TRPM6: variants seen among roughly 807,000 people sequenced by gnomAD.
TRPM6 encodes channel kinase 2.
A neutral mutation model predicts 247.6 loss-of-function variants in TRPM6; 111 were observed. The observed-to-expected ratio is 0.45, with a 90% confidence interval of 0.38 to 0.52. TRPM6 has a LOEUF of 0.52. Among genes scored for constraint, TRPM6 ranks in the 20% least tolerant of loss-of-function variants. The pLI, the probability that TRPM6 is intolerant of heterozygous loss-of-function variation, is 0.00. For missense variants in TRPM6, 2,126 were observed against 2,421.5 expected (o/e 0.88, Z 2.56); for synonymous variants, 892 against 853.8 (o/e 1.04, Z -0.78).
chr9:74,818,293 CTTTTTTTT>C (rs1161401022), intron 9 of TRPM6, among the ~76,000 whole-genome samples: 5 of 72,006 alleles, frequency 6.9e-5, no homozygotes, highest in Non-Finnish European at 1.1e-4. Context: ...TCTATCATTT[CTTTTTTTT>C]TTTTTTTTTT....
At position 74,775,358 on chromosome 9, in the gene TRPM6, G is replaced by A. The variant is rs373425127; in HGVS notation, c.3403+525C>T. On this transcript the variant is annotated intron_variant, in intron 24 of 38. Coordinates refer to ENST00000360774, the MANE Select transcript of TRPM6 (RefSeq NM_017662.5). The stretch of plus-strand genomic sequence containing the variant: ...GCATGCACTACCGCACCCAGTTTCT[G>A]AGTTGAGGTTCTTGAAAATAAGAAA... 6.8e-4 allele frequency among the ~76,000 whole-genome samples: 103 copies of A among 152,194 alleles called. 4 individuals carry two copies. The South Asian group carries it at 9.4e-3, about 14-fold the overall frequency.
chr9:74,865,481 T>A (rs910609947), intron 1 of TRPM6, among the ~76,000 whole-genome samples: 10 of 152,254 alleles, frequency 6.6e-5, no homozygotes, highest in African/African-American at 2.4e-4. Context: ...GAGTGTACTT[T>A]ACAACTGTCC....
At chr9:74,830,588 T>C (rs1302917287) in intron 6 of TRPM6, among the ~76,000 whole-genome samples, 1 of 151,914 alleles carries the variant, frequency 6.6e-6, no homozygotes, top group Non-Finnish European at 1.5e-5. Context: ...GTTTGGTTTG[T>C]TTGTTTGAGA....
intron 3 of TRPM6, among the ~76,000 whole-genome samples, chr9:74,844,874 A>G (rs1830058477): frequency 6.6e-6 from 1 of 152,184 alleles, no homozygotes; most frequent in Non-Finnish European, 1.5e-5. Context: ...TGAGATATGC[A>G]AGACTCTTTA....
chr9:74,874,209 C>T (rs1831119452), intron 1 of TRPM6, among the ~76,000 whole-genome samples: 1 of 150,526 alleles, frequency 6.6e-6, no homozygotes, highest in East Asian at 1.9e-4. Context: ...GCACTCCAGC[C>T]TGGGTGACAG....
intron 28 of TRPM6, among the ~76,000 whole-genome samples, chr9:74,754,821 ACCGTCCAGG>A (rs1375887368): frequency 6.6e-6 from 1 of 152,072 alleles, no homozygotes; most frequent in Non-Finnish European, 1.5e-5. Flanking sequence ...GACCTATTTC[ACCGTCCAGG>A]CCTAGCCCAT....
At chr9:74,820,784 C>T (rs1317637888) in intron 8 of TRPM6, among the ~76,000 whole-genome samples, 1 of 152,100 alleles carries the variant, frequency 6.6e-6, no homozygotes, top group African/African-American at 2.4e-5. Flanking sequence ...GGTTGATCTG[C>T]CACATCCTGA....
Position 74,762,734 on chromosome 9 carries a change from C to T in TRPM6, c.3937G>A (p.Val1313Ile). 6.2e-7 allele frequency: 1 copy of T among 1,614,174 alleles called. No individual in the cohort carries two copies. Among genetic ancestry groups the T allele is most frequent in the African/African-American group, 1.3e-5 (1 of 75,064 alleles). ...TCTTGCCTTTCCTGGTCATTTCTTA[C>T]ATTTGTAGCCTCTCTTTTACTGTTT... The part of the protein sequence containing the change: ...ITNSKREATN[V>I]RNDQERQETQ... The change falls in exon 26 of 39, where the codon GTA becomes ATA. Residue 1313 changes from valine (V) to isoleucine (I), a missense_variant. Val to Ile is a conservative substitution (Grantham distance 29). Transcript: ENST00000360774.
chr9:74,752,170 A>G, intron 29 of TRPM6, 107 bp downstream of exon 29: 1 of 686,160 alleles, frequency 1.5e-6, no homozygotes, highest in Non-Finnish European at 2.6e-6. Context: ...GCAGACTGTC[A>G]ATAAAAAGTA....
intron 3 of TRPM6, among the ~76,000 whole-genome samples, chr9:74,846,528 T>C (rs1311143847): frequency 1.3e-5 from 2 of 152,120 alleles, no homozygotes; most frequent in Non-Finnish European, 2.9e-5. Context: ...ATTTTTCTTA[T>C]CGATATTTTA....
intron 18 of TRPM6, 36 bp downstream of exon 18, chr9:74,796,705 C>T: frequency 6.2e-7 from 1 of 1,606,148 alleles, no homozygotes; most frequent in Admixed American, 1.7e-5. Flanking sequence ...GCAGTCAATA[C>T]AATGAAAATT....
chr9:74,819,040 G>T (rs1425973583), intron 9 of TRPM6, among the ~76,000 whole-genome samples: 2 of 152,124 alleles, frequency 1.3e-5, no homozygotes, highest in African/African-American at 4.8e-5. Flanking sequence ...GGGCACAGTG[G>T]CTTATGCCTG....
chr9:74,846,316 G>A (rs1467102111), intron 3 of TRPM6, among the ~76,000 whole-genome samples: 1 of 151,982 alleles, frequency 6.6e-6, no homozygotes, highest in African/African-American at 2.4e-5. Flanking sequence ...TATAATTAAA[G>A]CTCATTCTCT....
intron 7 of TRPM6, among the ~76,000 whole-genome samples, chr9:74,825,142 A>G (rs934351314): frequency 3.9e-5 from 6 of 152,250 alleles, no homozygotes; most frequent in Non-Finnish European, 7.4e-5. Context: ...GGTGCTTGTA[A>G]TCCCAGCTAC....
intron 36 of TRPM6, among the ~76,000 whole-genome samples, chr9:74,733,997 G>A (rs1203415797): frequency 2.0e-5 from 3 of 152,090 alleles, no homozygotes; most frequent in Non-Finnish European, 4.4e-5. Flanking sequence ...TTTTCTAAAC[G>A]TATATAAGTC....
intron 7 of TRPM6, among the ~76,000 whole-genome samples, chr9:74,825,964 C>T (rs1039366918): frequency 2.0e-5 from 3 of 152,086 alleles, no homozygotes; most frequent in Non-Finnish European, 4.4e-5. Flanking sequence ...CTGATCCTCT[C>T]TCCCCTTTTC....
chr9:74,846,618 C>T (rs1192433940), intron 3 of TRPM6, among the ~76,000 whole-genome samples: 2 of 152,038 alleles, frequency 1.3e-5, no homozygotes, highest in African/African-American at 4.8e-5. Context: ...ATGATCTCTG[C>T]TCACTGCCAC....
intron 27 of TRPM6, 75 bp downstream of exon 27, chr9:74,761,620 TA>T: frequency 1.1e-6 from 1 of 883,372 alleles, no homozygotes; most frequent in South Asian, 1.3e-5. Context: ...CACTTTACAG[TA>T]AAGATAAATC....
chr9:74,887,800 G>A (rs750811519), intron 1 of TRPM6, 24 bp downstream of exon 1: 5 of 1,614,046 alleles, frequency 3.1e-6, no homozygotes, highest in Non-Finnish European at 4.2e-6. Flanking sequence ...CTTGTTCCCC[G>A]CCAGTCGAGC....
Sources: gnomAD v4.1 joint callset for allele counts (sites outside exome capture counted in the v4.1 genomes callset) on GRCh38, gnomAD v4.1.1 for gene constraint, MANE v1.5 for transcripts, NCBI Gene and HGNC (gene_info 2026-07-23, HGNC 2026-07-21) for gene names.